Variants in C10orf53 observed in about 807,000 individuals in gnomAD.
C10orf53 encodes the protein UPF0728 protein C10orf53.
C10orf53 carries 8 observed loss-of-function variants against 9.4 expected under a neutral mutation model. The observed-to-expected ratio is 0.85, with a 90% CI of 0.50 to 1.53. The LOEUF (loss-of-function observed/expected upper bound fraction) is 1.53. C10orf53 is among the 40% of genes most tolerant of loss of function. The pLI, the probability that C10orf53 is intolerant of heterozygous loss-of-function variation, is 0.00. For missense variants in C10orf53, 117 were observed against 117.8 expected (o/e 0.99, Z 0.03); for synonymous variants, 48 against 46.0 (o/e 1.04, Z -0.18).
rs1840630576 is a variant in C10orf53, at chr10:49,695,931, G to A, written c.*1329G>A. The A allele has an allele frequency of 2.6e-5, 4 of 152,158 alleles. No individual in the cohort carries two copies. The South Asian group carries it at 8.3e-4, about 32-fold the overall frequency. 9.4% of individuals were successfully genotyped at this position (152,158 alleles called of 1,614,324 possible). On this transcript the variant is annotated 3_prime_UTR_variant, in exon 3 of 3. Coordinates refer to ENST00000374111, the MANE Select transcript of C10orf53 (RefSeq NM_001042427.3). ...AAACCCAGTTTAAGTTACTATAGAT[G>A]TAGCATTCAATCTTTGTTTCAATAT... is the stretch of plus-strand genomic sequence containing the variant.
At chr10:49,689,548 G>A (rs1364603548) in intron 1 of C10orf53, among the ~76,000 whole-genome samples, 1 of 152,028 alleles carries the variant, frequency 6.6e-6, no homozygotes, top group Non-Finnish European at 1.5e-5. Context: ...CCTCACACAC[G>A]CACTAGGATG....
In C10orf53 at chr10:49,694,819, T is replaced by C. The variant is rs1248578810; in HGVS notation, c.*217T>C. 5 of 1,375,008 alleles carry C rather than the reference T, an allele frequency of 3.6e-6. No individual in the cohort carries two copies. The highest frequency in any genetic ancestry group is 4.7e-6 in the Non-Finnish European group (5 of 1,066,582). 85.2% of individuals were successfully genotyped at this position (1,375,008 alleles called of 1,614,324 possible). On this transcript the variant is annotated 3_prime_UTR_variant, in exon 3 of 3. Transcript: ENST00000374111. ...AATAAAAACCACATCATTTATAACA[T>C]GTCTCAATCTCAACCCATAGGGAGA...
At chr10:49,708,564 C>T in exon 3 of C10orf53, 1 of 1,614,202 alleles carries the variant, frequency 6.2e-7, no homozygotes, top group African/African-American at 1.3e-5. Context: ...TTGGCCAGGC[C>T]TGGATCACAT....
In C10orf53 at chr10:49,679,755, C is replaced by G. The variant is rs1408167533; in HGVS notation, c.58C>G (p.Pro20Ala). The G allele has an allele frequency of 1.9e-6, 3 of 1,546,478 alleles. No individual in the cohort carries two copies. The African/African-American group carries it at 4.1e-5, about 21-fold the overall frequency. Reference sequence around the variant, plus strand: ...TGGGCCCTACAGCGCGGCAGGCCTACCGGTGGAGCACCACACCTTCCGCCT... The same window carrying G: ...TGGGCCCTACAGCGCGGCAGGCCTAGCGGTGGAGCACCACACCTTCCGCCT... ...RYGPYSAAGLPVEHHTFRLQG... is the reference protein window; with the variant it reads ...RYGPYSAAGLAVEHHTFRLQG... The change falls in exon 1 of 3, where the codon CCG becomes GCG. Residue 20 changes from proline (P) to alanine (A), a missense_variant. Pro to Ala is a conservative substitution (Grantham distance 27). Transcript: ENST00000374111.
In C10orf53 at chr10:49,682,529, G is replaced by A. The variant is rs547248391; in HGVS notation, c.97+2735G>A. On this transcript the variant is annotated intron_variant, in intron 1 of 2. Coordinates refer to ENST00000374111, the MANE Select transcript of C10orf53 (RefSeq NM_001042427.3). ...AGTGAAAGAACAAATCTCCCAAAGC[G>A]TGGAGGGGGACAGGAGCCAGTTGCT... Among the ~76,000 whole-genome samples the A allele has an allele frequency of 8.1e-5, 12 of 147,906 alleles. No homozygotes were observed. In the East Asian group the frequency reaches 1.4e-3, roughly 17 times the overall value.
chr10:49,695,223 G>T lies in C10orf53; in HGVS notation c.*621G>T, dbSNP rs1389390117. ...TTTGCATTAATATCGTCTGAGGAGG[G>T]CGCAAAAGAGTCCTCAGCAGAATGT... On this transcript the variant is annotated 3_prime_UTR_variant, in exon 3 of 3. Coordinates refer to ENST00000374111, the MANE Select transcript of C10orf53 (RefSeq NM_001042427.3). 1.3e-5 allele frequency: 2 copies of T among 154,252 alleles called. No homozygotes were observed. Among genetic ancestry groups the T allele is most frequent in the Non-Finnish European group, 2.9e-5 (2 of 69,974 alleles). The allele number at this position is 154,252 out of a possible 1,614,324, so 9.6% of individuals were successfully genotyped here.
intron 2 of C10orf53, among the ~76,000 whole-genome samples, chr10:49,705,761 A>C (rs1840718556): frequency 6.6e-6 from 1 of 152,234 alleles, no homozygotes; most frequent in African/African-American, 2.4e-5. Context: ...AACAAAAGAA[A>C]AAATAGATAA....
chr10:49,680,840 C>G (rs1213692932), intron 1 of C10orf53, among the ~76,000 whole-genome samples: 1 of 152,186 alleles, frequency 6.6e-6, no homozygotes, highest in Non-Finnish European at 1.5e-5. Flanking sequence ...TGACTTGAAA[C>G]AGTGCTGATG....
At chr10:49,682,987 TG>T in intron 1 of C10orf53, among the ~76,000 whole-genome samples, 1 of 152,370 alleles carries the variant, frequency 6.6e-6, no homozygotes, top group Non-Finnish European at 1.5e-5. Context: ...GATAGACACT[TG>T]GGTTGTTTCC....
chr10:49,698,015 A>C (rs1045947498), downstream of C10orf53, among the ~76,000 whole-genome samples: 3 of 152,168 alleles, frequency 2.0e-5, no homozygotes, highest in Non-Finnish European at 4.4e-5. Flanking sequence ...GATTGGCTGG[A>C]GGCTGTGGCT....
At chr10:49,706,003 A>G (rs184360989) in intron 2 of C10orf53, among the ~76,000 whole-genome samples, 42 of 152,378 alleles carry the variant, frequency 2.8e-4, no homozygotes, top group Non-Finnish European at 5.0e-4. Context: ...AAGCACAGGA[A>G]AAGATGCTCA....
chr10:49,702,489 G>C (rs1031199319), downstream of C10orf53, among the ~76,000 whole-genome samples: 11 of 152,322 alleles, frequency 7.2e-5, no homozygotes, highest in East Asian at 1.9e-3. Flanking sequence ...AGAGTGAAAG[G>C]TGGGATTTGG....
intron 1 of C10orf53, among the ~76,000 whole-genome samples, chr10:49,686,627 A>G (rs1478200656): frequency 3.3e-5 from 5 of 152,196 alleles, no homozygotes; most frequent in African/African-American, 9.7e-5. Flanking sequence ...TGGCTGCTCT[A>G]GGAGTATCTG....
intron 1 of C10orf53, among the ~76,000 whole-genome samples, chr10:49,693,057 CAT>C (rs756970686): frequency 9.9e-5 from 15 of 152,102 alleles, no homozygotes; most frequent in Non-Finnish European, 2.2e-4. Flanking sequence ...ATATTTTAAA[CAT>C]GTATTATATA....
chr10:49,681,818 C>T (rs1809657839), intron 1 of C10orf53, among the ~76,000 whole-genome samples: 1 of 152,160 alleles, frequency 6.6e-6, no homozygotes, highest in Non-Finnish European at 1.5e-5. Flanking sequence ...ATTGGGTCCT[C>T]ATCCTTATAA....
chr10:49,686,693 A>G (rs976504062), intron 1 of C10orf53, among the ~76,000 whole-genome samples: 5 of 152,336 alleles, frequency 3.3e-5, no homozygotes, highest in Admixed American at 2.0e-4. Context: ...CAGTACCCTC[A>G]GGCTTACTAG....
intron 1 of C10orf53, among the ~76,000 whole-genome samples, chr10:49,693,047 A>T (rs1840599465): frequency 6.6e-6 from 1 of 152,190 alleles, no homozygotes; most frequent in South Asian, 2.1e-4. Context: ...TATTGACTAT[A>T]TATTTTAAAC....
chr10:49,706,191 A>G (rs890879943), intron 2 of C10orf53, among the ~76,000 whole-genome samples: 2 of 152,240 alleles, frequency 1.3e-5, no homozygotes, highest in Non-Finnish European at 2.9e-5. Context: ...ACAGTCTGGC[A>G]ACCCCTAAAA....
rs750058254 is a variant in C10orf53 at position 49,693,858 on chromosome 10, T to G, written c.182T>G (p.Val61Gly). 1.9e-6 allele frequency: 3 copies of G among 1,614,226 alleles called. No individual in the cohort carries two copies. Among genetic ancestry groups the G allele is most frequent in the Non-Finnish European group, 1.7e-6 (2 of 1,180,036 alleles). The change falls in exon 2 of 3, where the codon GTC (valine) becomes GGC (glycine). Residue 61 changes from valine to glycine, a missense_variant. Physicochemically the swap from Val to Gly is moderately radical, Grantham distance 109. Transcript: ENST00000374111. Reference protein sequence around the residue: ...NVVELMVNEEVIFHCNIKDLE... With the variant: ...NVVELMVNEEGIFHCNIKDLE... ...GTGGAACTCATGGTGAATGAAGAAG[T>G]CATCTTCCACTGCAACATTAAGGAC...
Sources: gnomAD v4.1 joint callset for allele counts (sites outside exome capture counted in the v4.1 genomes callset) on GRCh38, gnomAD v4.1.1 for gene constraint, MANE v1.5 for transcripts, NCBI Gene and HGNC (gene_info 2026-07-23, HGNC 2026-07-21) for gene names.